The following FAM184B variants were observed in gnomAD, a reference collection of about 807,000 sequenced individuals.
FAM184B encodes protein FAM184B.
FAM184B carries 111 observed loss-of-function variants against 135.9 expected under a neutral mutation model. That is an observed-to-expected ratio of 0.82 (90% CI 0.70 to 0.96). The LOEUF is 0.96. Among genes scored for constraint, FAM184B ranks in the 40% least tolerant of loss-of-function variants. FAM184B has a pLI of 0.00. For missense variants in FAM184B, 1,375 were observed against 1,323.9 expected (o/e 1.04, Z -0.60); for synonymous variants, 552 against 524.8 (o/e 1.05, Z -0.71).
intron 2 of FAM184B, among the ~76,000 whole-genome samples, chr4:17,708,663 C>CCATA (rs1553837948): frequency 5.9e-5 from 1 of 16,978 alleles, no homozygotes; most frequent in Non-Finnish European, 1.0e-4. Context: ...GGAAACAAAA[C>CCATA]TATATATATA....
At chr4:17,682,277 T>A (rs1014686030) in intron 7 of FAM184B, among the ~76,000 whole-genome samples, 2 of 152,124 alleles carry the variant, frequency 1.3e-5, no homozygotes, top group African/African-American at 4.8e-5. Context: ...TGGAAACCAA[T>A]TAGTAAAACT....
Position 17,646,718 on chromosome 4 carries a change from TTAAAA to T in FAM184B, c.2346+914_2346+918del, listed in dbSNP as rs201970704. On this transcript the variant is annotated intron_variant, in intron 12 of 17. Coordinates refer to ENST00000265018, the MANE Select transcript of FAM184B (RefSeq NM_015688.2). ...ACATTGTGCACATGTACCCTAGAAC[TTAAAA>T]TATAATAATAATAAAAAAAGAAAAG... Among the ~76,000 whole-genome samples, 568 of 152,206 alleles carry T rather than the reference TTAAAA, an allele frequency of 3.7e-3. 6 individuals carry two copies. The highest frequency in any genetic ancestry group is 0.025 in the South Asian group (122 of 4,816).
intron 1 of FAM184B, among the ~76,000 whole-genome samples, chr4:17,712,067 A>G (rs1717288096): frequency 6.6e-6 from 1 of 152,168 alleles, no homozygotes; most frequent in South Asian, 2.1e-4. Context: ...TTGCTATGAG[A>G]TTTTCCTCAG....
chr4:17,630,351 G>A lies in FAM184B; in HGVS notation c.*2181C>T, dbSNP rs1714888077. On this transcript the variant is annotated 3_prime_UTR_variant, in exon 18 of 18. Coordinates refer to ENST00000265018, the MANE Select transcript of FAM184B (RefSeq NM_015688.2). Reference sequence around the variant, plus strand: ...GAGGTGGGGCTTTTGGGAAGCAATGGAGTCATGAGGGCTTCACCCTCATGA... The same window carrying A: ...GAGGTGGGGCTTTTGGGAAGCAATGAAGTCATGAGGGCTTCACCCTCATGA... 6.6e-6 allele frequency: 1 copy of A among 152,152 alleles called. No homozygotes were observed. The highest frequency in any genetic ancestry group is 6.5e-5 in the Admixed American group (1 of 15,278). 9.4% of individuals were successfully genotyped at this position (152,152 alleles called of 1,614,324 possible).
intron 4 of FAM184B, among the ~76,000 whole-genome samples, chr4:17,705,423 G>A (rs964844176): frequency 6.6e-6 from 1 of 152,198 alleles, no homozygotes; most frequent in Non-Finnish European, 1.5e-5. Flanking sequence ...ATTATCATGA[G>A]ATCAGATACT....
In FAM184B at chr4:17,766,764, G is replaced by A. The variant is rs535108810; in HGVS notation, c.141+14395C>T. Among the ~76,000 whole-genome samples, 531 of 152,364 alleles carry A rather than the reference G, an allele frequency of 3.5e-3. 7 individuals are homozygous for A. The highest frequency in any genetic ancestry group is 0.012 in the African/African-American group (498 of 41,598). ...GGTTTCACCTAGAGGATCCCGCACC[G>A]GGGCAGCAGGCGGAGGTGCCTGCCA... On this transcript the variant is annotated intron_variant, in intron 1 of 17. Coordinates refer to ENST00000265018, the MANE Select transcript of FAM184B (RefSeq NM_015688.2).
rs71167338 is a variant in FAM184B, at chr4:17,774,992, C to CTTT, written c.141+6164_141+6166dup. On this transcript the variant is annotated intron_variant, in intron 1 of 17. Transcript: ENST00000265018. ...CCTAAGAATAAGATATTTTCCTTTT[C>CTTT]TTTTTTTTTTTTTTTTTTTTTTTGA... Among the ~76,000 whole-genome samples the CTTT allele has an allele frequency of 3.4e-3, 280 of 81,756 alleles. 2 individuals are homozygous for CTTT. Among genetic ancestry groups the CTTT allele is most frequent in the Non-Finnish European group, 3.9e-3 (176 of 45,552 alleles). The allele number at this position is 81,756 out of a possible 152,430, so 53.6% of individuals were successfully genotyped here. A position where few individuals can be genotyped will look rare whatever the true frequency, so the allele number is the denominator to read the frequency against.
At chr4:17,773,234 C>T (rs926640716) in intron 1 of FAM184B, among the ~76,000 whole-genome samples, 6 of 152,132 alleles carry the variant, frequency 3.9e-5, no homozygotes, top group Non-Finnish European at 8.8e-5. Context: ...GCTGTGCACA[C>T]AAAGGATGAG....
chr4:17,704,665 T>C (rs956384904), intron 5 of FAM184B, among the ~76,000 whole-genome samples: 1 of 152,190 alleles, frequency 6.6e-6, no homozygotes, highest in African/African-American at 2.4e-5. Flanking sequence ...TTAATGGTAT[T>C]TCTCTGTGTG....
In FAM184B at chr4:17,647,795, GA is replaced by G; in HGVS notation, c.2192-5del. The G allele has an allele frequency of 1.3e-6, 2 of 1,546,718 alleles. No homozygotes were observed. The highest frequency in any genetic ancestry group is 1.7e-6 in the Non-Finnish European group (2 of 1,144,866). On this transcript the variant is annotated splice_region_variant and splice_polypyrimidine_tract_variant and intron_variant, in intron 11 of 17. Transcript: ENST00000265018. Reference sequence around the variant, plus strand: ...GACAGCTCCTGTCTGAGCGACTCTGGAAAAGGGAGAGCAGCAGTGAGTTAGG... The same window carrying G: ...GACAGCTCCTGTCTGAGCGACTCTGGAAAGGGAGAGCAGCAGTGAGTTAGG...
chr4:17,645,869 A>G (rs1367605167), intron 12 of FAM184B, among the ~76,000 whole-genome samples: 3 of 152,208 alleles, frequency 2.0e-5, no homozygotes, highest in East Asian at 1.9e-4. Context: ...AAGAACTCAA[A>G]CAAATTTACA....
intron 14 of FAM184B, 29 bp downstream of exon 14, chr4:17,639,221 C>A (rs1342876926): frequency 6.5e-7 from 1 of 1,550,050 alleles, no homozygotes; most frequent in Non-Finnish European, 8.7e-7. Context: ...ATTTGCAAGA[C>A]CCTCCCTGGG....
At chr4:17,677,321 T>C (rs1471194821) in intron 7 of FAM184B, among the ~76,000 whole-genome samples, 3 of 152,216 alleles carry the variant, frequency 2.0e-5, no homozygotes, top group African/African-American at 7.2e-5. Context: ...GTGTTAGGAT[T>C]ACAGGCGTAA....
At chr4:17,770,334 G>A (rs1004214242) in intron 1 of FAM184B, among the ~76,000 whole-genome samples, 6 of 152,210 alleles carry the variant, frequency 3.9e-5, no homozygotes, top group Non-Finnish European at 7.3e-5. Flanking sequence ...GGTGGCCAGA[G>A]GTGAAGGTGG....
intron 11 of FAM184B, 105 bp downstream of exon 11, chr4:17,652,725 G>T: frequency 7.4e-7 from 1 of 1,342,448 alleles, no homozygotes; most frequent in Non-Finnish European, 1.0e-6. Context: ...GCCGTGGCCT[G>T]TGAGCCCGAG....
intron 12 of FAM184B, among the ~76,000 whole-genome samples, chr4:17,646,311 A>G (rs1463207155): frequency 2.6e-5 from 4 of 152,074 alleles, no homozygotes; most frequent in African/African-American, 7.2e-5. Context: ...TCACAATAGC[A>G]AAGACCTGGA....
intron 1 of FAM184B, among the ~76,000 whole-genome samples, chr4:17,731,155 C>T (rs1717766384): frequency 6.6e-6 from 1 of 152,102 alleles, no homozygotes; most frequent in African/African-American, 2.4e-5. Context: ...CAGGTCTGCC[C>T]TAAAAGAGCT....
intron 3 of FAM184B, among the ~76,000 whole-genome samples, chr4:17,706,363 T>C (rs1717118903): frequency 6.6e-6 from 1 of 152,190 alleles, no homozygotes; most frequent in African/African-American, 2.4e-5. Flanking sequence ...TCTCTGCACC[T>C]TTCTGCTCCA....
chr4:17,772,169 G>A (rs529044840), intron 1 of FAM184B, among the ~76,000 whole-genome samples: 1 of 152,140 alleles, frequency 6.6e-6, no homozygotes, highest in Non-Finnish European at 1.5e-5. Flanking sequence ...AGGGTGAAAA[G>A]TTGCCCTCTA....
Sources: gnomAD v4.1 joint callset for allele counts (sites outside exome capture counted in the v4.1 genomes callset) on GRCh38, gnomAD v4.1.1 for gene constraint, MANE v1.5 for transcripts, NCBI Gene and HGNC (gene_info 2026-07-23, HGNC 2026-07-21) for gene names.